SEMA5B: variants seen among roughly 807,000 people sequenced by gnomAD.
SEMA5B encodes semaphorin 5B, also known as semaphorin-5B.
Under a neutral mutation model 135.0 loss-of-function variants are expected in SEMA5B, and 66 were observed. That is an observed-to-expected ratio of 0.49 (90% CI 0.40 to 0.60). SEMA5B has a LOEUF of 0.60. Ranked by LOEUF, SEMA5B falls within the 20% of genes least tolerant of loss-of-function variation. The pLI is 0.00. For missense variants in SEMA5B, 1,501 were observed against 1,566.3 expected, an observed-to-expected ratio of 0.96 and a Z score of 0.70; for synonymous variants, 690 against 639.5, an observed-to-expected ratio of 1.08 and a Z score of -1.19.
At chr3:123,010,767 G>A (rs1306914362) in intron 1 of SEMA5B, among the ~76,000 whole-genome samples, 7 of 139,426 alleles carry the variant, frequency 5.0e-5, no homozygotes, top group South Asian at 2.3e-4. Context: ...CTGAGATTGC[G>A]CCACTGCACT....
At position 122,921,917 on chromosome 3, in the gene SEMA5B, C is replaced by T; in HGVS notation, c.1686G>A (p.Gln562=). The change falls in exon 12 of 23, where the codon CAG becomes CAA. Residue 562 remains glutamine (Q), a splice_region_variant and synonymous_variant. Transcript: ENST00000357599. Reference sequence around the variant, plus strand: ...GGAGCCGCCCCGTCCCGGCTTACCCCTGGCTGCGGTAGGCGGCGCACCTCT... The same window carrying T: ...GGAGCCGCCCCGTCCCGGCTTACCCTTGGCTGCGGTAGGCGGCGCACCTCT... ...PLERCAAYRS[Q]GACLGARDPY... is the part of the protein sequence containing the mutation. 6.5e-7 allele frequency: 1 copy of T among 1,532,400 alleles called. No individual in the cohort carries two copies. The allele number at this position is 1,532,400 out of a possible 1,614,324, so 94.9% of individuals were successfully genotyped here.
chr3:122,973,259 G>C (rs1941194050), intron 1 of SEMA5B, among the ~76,000 whole-genome samples: 1 of 152,192 alleles, frequency 6.6e-6, no homozygotes, highest in Non-Finnish European at 1.5e-5. Flanking sequence ...TACACCCCTA[G>C]CTTCTAGTCT....
chr3:123,021,638 T>C (rs953301751), intron 1 of SEMA5B, among the ~76,000 whole-genome samples: 2 of 151,914 alleles, frequency 1.3e-5, no homozygotes, highest in Non-Finnish European at 2.9e-5. Context: ...GACTGGCAAA[T>C]AGGGATGGAT....
intron 5 of SEMA5B, among the ~76,000 whole-genome samples, chr3:122,936,790 C>A (rs1016045181): frequency 3.9e-5 from 6 of 152,304 alleles, no homozygotes; most frequent in African/African-American, 1.4e-4. Context: ...CACTCCTCCA[C>A]CTCCAACACA....
chr3:122,981,710 G>A (rs1381290149), intron 1 of SEMA5B, among the ~76,000 whole-genome samples: 1 of 152,220 alleles, frequency 6.6e-6, no homozygotes, highest in Admixed American at 6.5e-5. Context: ...TGTTTTTTGA[G>A]CAGAGAAAGA....
chr3:123,012,273 C>G (rs1942453384), intron 1 of SEMA5B, among the ~76,000 whole-genome samples: 1 of 152,156 alleles, frequency 6.6e-6, no homozygotes, highest in Non-Finnish European at 1.5e-5. Context: ...CAGATCCCAT[C>G]AGAATCCCTG....
At chr3:122,970,345 C>T (rs1324550228) in intron 1 of SEMA5B, among the ~76,000 whole-genome samples, 2 of 152,230 alleles carry the variant, frequency 1.3e-5, no homozygotes, top group East Asian at 1.9e-4. Context: ...CACTAATGTG[C>T]ATCAGAATTG....
chr3:122,939,328 T>C (rs1939450065), intron 5 of SEMA5B, 97 bp downstream of exon 5: 1 of 970,506 alleles, frequency 1.0e-6, no homozygotes, highest in South Asian at 1.3e-5. Flanking sequence ...TTTTCAACTT[T>C]AGGGGCTGAA....
At chr3:122,960,422 C>A (rs2107601947) in intron 2 of SEMA5B, among the ~76,000 whole-genome samples, 1 of 152,152 alleles carries the variant, frequency 6.6e-6, no homozygotes, top group African/African-American at 2.4e-5. Context: ...GGAGGTTTTT[C>A]AAAAAATTAA....
In SEMA5B at chr3:122,911,496, C is replaced by G. The variant is rs1430841634; in HGVS notation, c.3086G>C (p.Cys1029Ser). Residue 1029 changes from cysteine to serine, a missense_variant, in exon 21 of 23, where the codon TGT becomes TCT. Cys to Ser is a moderately radical substitution (Grantham distance 112, BLOSUM62 -1). Around this residue, in one of 2 missense-constraint regions of SEMA5B, gnomAD observed 927 missense variants for 881.6 expected, o/e 1.05. Coordinates refer to ENST00000357599, the MANE Select transcript of SEMA5B (RefSeq NM_001031702.4). ...PASSMEEATD[C>S]AGFNLIHLVA... ...GTAGGTCCGGTTTCTTTTACCTGCA[C>G]AGTCGGTGGCCTCCTCCATGCTGGA... is the stretch of plus-strand genomic sequence containing the variant. The G allele has an allele frequency of 1.9e-6, 3 of 1,608,478 alleles. No homozygotes were observed. The South Asian group carries it at 3.4e-5, about 18-fold the overall frequency.
intron 4 of SEMA5B, among the ~76,000 whole-genome samples, chr3:122,940,713 G>T (rs577278982): frequency 6.6e-6 from 1 of 152,206 alleles, no homozygotes; most frequent in Non-Finnish European, 1.5e-5. Flanking sequence ...CTGGCTCCAG[G>T]CCCAGGCCCC....
intron 12 of SEMA5B, 25 bp from the exon 13 acceptor site, chr3:122,915,915 C>T (rs78558820): frequency 6.3e-7 from 1 of 1,592,934 alleles, no homozygotes; most frequent in South Asian, 1.1e-5. Context: ...TCCTGAGATT[C>T]AAGCCCACTG....
At chr3:122,966,656 G>A (rs574351546) in intron 1 of SEMA5B, among the ~76,000 whole-genome samples, 66 of 150,332 alleles carry the variant, frequency 4.4e-4, no homozygotes, top group Middle Eastern at 3.5e-3. Context: ...CTGGGTTCAC[G>A]CCATTCTCCT....
At chr3:123,012,760 C>G (rs745412569) in intron 1 of SEMA5B, among the ~76,000 whole-genome samples, 9 of 152,224 alleles carry the variant, frequency 5.9e-5, no homozygotes, top group Non-Finnish European at 1.2e-4. Context: ...TACCTTCCCC[C>G]CTCCTCTTCC....
At chr3:122,953,957 C>T (rs1940169274) in intron 2 of SEMA5B, among the ~76,000 whole-genome samples, 1 of 152,248 alleles carries the variant, frequency 6.6e-6, no homozygotes, top group African/African-American at 2.4e-5. Context: ...TCAGGTCTCT[C>T]CCACAGCAAT....
intron 3 of SEMA5B, among the ~76,000 whole-genome samples, chr3:122,946,478 T>C (rs1939796445): frequency 1.3e-5 from 2 of 152,096 alleles, no homozygotes; most frequent in Non-Finnish European, 2.9e-5. Flanking sequence ...GCTTGGAGGC[T>C]GGGGTTGGTG....
chr3:123,025,890 A>G (rs1942786044), intron 1 of SEMA5B, among the ~76,000 whole-genome samples: 1 of 152,216 alleles, frequency 6.6e-6, no homozygotes, highest in Admixed American at 6.5e-5. Context: ...AGCTGCTTTC[A>G]AATCTGCCCC....
chr3:123,010,037 G>A (rs1271459787), intron 1 of SEMA5B, among the ~76,000 whole-genome samples: 1 of 152,198 alleles, frequency 6.6e-6, no homozygotes, highest in Non-Finnish European at 1.5e-5. Flanking sequence ...AAAATATGCA[G>A]ATGCCCAAGC....
intron 1 of SEMA5B, among the ~76,000 whole-genome samples, chr3:122,979,961 A>T (rs1266785420): frequency 1.3e-5 from 2 of 152,212 alleles, no homozygotes; most frequent in Non-Finnish European, 2.9e-5. Context: ...TGCTACACTT[A>T]TTTGGGCCAT....
Sources: gnomAD v4.1 joint callset for allele counts (sites outside exome capture counted in the v4.1 genomes callset) on GRCh38, gnomAD v4.1.1 for gene constraint, gnomAD v4.1.1 regional missense constraint, MANE v1.5 for transcripts, NCBI Gene and HGNC (gene_info 2026-07-23, HGNC 2026-07-21) for gene names.